Variants in ADGRL3 observed in about 807,000 individuals in gnomAD.
The protein encoded by ADGRL3 is calcium-independent alpha-latrotoxin receptor 3.
ADGRL3 carries 62 observed loss-of-function variants against 153.5 expected under a neutral mutation model. The observed-to-expected ratio is 0.40, with a 90% CI of 0.33 to 0.50. The LOEUF (loss-of-function observed/expected upper bound fraction) is 0.50. Among genes scored for constraint, ADGRL3 ranks in the 20% least tolerant of loss-of-function variants. The probability of loss-of-function intolerance (pLI) is 0.47; values close to 1 mark genes in which losing one functional copy is unlikely to be tolerated. For missense variants in ADGRL3, 1,641 were observed against 1,859.4 expected, an observed-to-expected ratio of 0.88 and a Z score of 2.16; for synonymous variants, 710 against 672.5, an observed-to-expected ratio of 1.06 and a Z score of -0.86.
chr4:61,457,892 A>AGATAGATG (rs1266892704), intron 2 of ADGRL3, among the ~76,000 whole-genome samples: 1 of 151,564 alleles, frequency 6.6e-6, no homozygotes, highest in African/African-American at 2.4e-5. Flanking sequence ...ATAGATAGAT[A>AGATAGATG]GATAGATAGA....
intron 9 of ADGRL3, among the ~76,000 whole-genome samples, chr4:61,859,125 C>G (rs907483921): frequency 6.6e-6 from 1 of 152,104 alleles, no homozygotes; most frequent in African/African-American, 2.4e-5. Context: ...TCCCAGCCTT[C>G]TTTGTATTTT....
chr4:62,007,401 T>TAC (rs1340134287), intron 21 of ADGRL3, among the ~76,000 whole-genome samples: 1 of 83,426 alleles, frequency 1.2e-5, no homozygotes, highest in African/African-American at 4.6e-5. Context: ...CACACATATA[T>TAC]ATATACACGT....
intron 1 of ADGRL3, among the ~76,000 whole-genome samples, chr4:61,295,303 T>C (rs1183343246): frequency 6.6e-6 from 1 of 152,150 alleles, no homozygotes; most frequent in Non-Finnish European, 1.5e-5. Flanking sequence ...ATAATTTTTC[T>C]ATTTTATCAC....
chr4:61,798,458 A>T (rs917088957), intron 8 of ADGRL3, among the ~76,000 whole-genome samples: 5 of 152,202 alleles, frequency 3.3e-5, no homozygotes, highest in African/African-American at 1.2e-4. Flanking sequence ...ACTGACTGCC[A>T]TTAAATGCAG....
chr4:61,461,137 A>G (rs1426565015), intron 2 of ADGRL3, among the ~76,000 whole-genome samples: 2 of 152,118 alleles, frequency 1.3e-5, no homozygotes, highest in African/African-American at 4.8e-5. Context: ...CGAGAACAGT[A>G]TTGGAAACTG....
chr4:61,867,193 A>G (rs969804904), intron 9 of ADGRL3, among the ~76,000 whole-genome samples: 2 of 152,056 alleles, frequency 1.3e-5, no homozygotes, highest in African/African-American at 4.8e-5. Flanking sequence ...GCATCTAAAC[A>G]TAAGTGATTT....
intron 1 of ADGRL3, among the ~76,000 whole-genome samples, chr4:61,270,702 G>GA (rs1325093443): frequency 1.3e-5 from 2 of 151,670 alleles, no homozygotes; most frequent in African/African-American, 4.8e-5. Flanking sequence ...CCAAGAAATG[G>GA]AAAATATCCT....
intron 9 of ADGRL3, among the ~76,000 whole-genome samples, chr4:61,847,726 TTA>T (rs1390970574): frequency 3.0e-4 from 8 of 26,692 alleles, no homozygotes; most frequent in African/African-American, 8.2e-4. Flanking sequence ...ATAAAATATA[TTA>T]TATATATAAT....
chr4:62,070,683 C>G lies in ADGRL3; in HGVS notation c.4407C>G (p.Thr1469=), dbSNP rs1745352765. 4 of 1,551,494 alleles carry G rather than the reference C, an allele frequency of 2.6e-6. No homozygotes were observed. Among genetic ancestry groups the G allele is most frequent in the East Asian group, 2.4e-5 (1 of 40,910 alleles). ...LAGVAATESV[T]TSTQTEPPPA... ...GTGTGGCCGCCACAGAGAGTGTTAC[C>G]ACCAGCACCCAGACCGAACCCCCAC... Residue 1469 remains threonine, a synonymous_variant, in exon 27 of 27, where the codon ACC becomes ACG. Coordinates refer to ENST00000683033, the MANE Select transcript of ADGRL3 (RefSeq NM_001387552.1).
intron 4 of ADGRL3, among the ~76,000 whole-genome samples, chr4:61,538,932 T>C (rs1227806810): frequency 1.3e-5 from 2 of 152,138 alleles, no homozygotes; most frequent in Non-Finnish European, 2.9e-5. Flanking sequence ...TCTTGTCCTG[T>C]GCAGGCAGGA....
At chr4:61,619,553 A>G in intron 5 of ADGRL3, among the ~76,000 whole-genome samples, 1 of 150,470 alleles carries the variant, frequency 6.6e-6, no homozygotes, top group Admixed American at 6.6e-5. Context: ...ACACACTCTA[A>G]TCATAACCTC....
At chr4:61,622,287 A>G (rs2092570603) in intron 5 of ADGRL3, among the ~76,000 whole-genome samples, 1 of 152,108 alleles carries the variant, frequency 6.6e-6, no homozygotes, top group African/African-American at 2.4e-5. Flanking sequence ...AAAAAAAGAG[A>G]ATGCTAATTA....
chr4:61,517,772 T>C (rs1327972296), intron 4 of ADGRL3, among the ~76,000 whole-genome samples: 1 of 152,230 alleles, frequency 6.6e-6, no homozygotes, highest in African/African-American at 2.4e-5. Flanking sequence ...GGGTTTGAAA[T>C]ATTTTTGCAT....
At chr4:61,815,551 G>A (rs1173861577) in intron 9 of ADGRL3, among the ~76,000 whole-genome samples, 5 of 152,194 alleles carry the variant, frequency 3.3e-5, no homozygotes, top group Non-Finnish European at 7.3e-5. Context: ...TCAATGAATA[G>A]ATACAGGGAA....
intron 1 of ADGRL3, among the ~76,000 whole-genome samples, chr4:61,261,892 T>C (rs2149604318): frequency 6.6e-6 from 1 of 152,258 alleles, no homozygotes; most frequent in South Asian, 2.1e-4. Context: ...AAACAATGTG[T>C]GTGAAGTTCC....
intron 2 of ADGRL3, among the ~76,000 whole-genome samples, chr4:61,487,321 A>G (rs1191670375): frequency 6.6e-6 from 1 of 152,204 alleles, no homozygotes; most frequent in Non-Finnish European, 1.5e-5. Context: ...CCAATTAGGA[A>G]TAAGATAGCC....
intron 2 of ADGRL3, among the ~76,000 whole-genome samples, chr4:61,439,276 A>C (rs2097498368): frequency 1.3e-5 from 2 of 152,150 alleles, no homozygotes; most frequent in African/African-American, 4.8e-5. Flanking sequence ...TGTACTTAGA[A>C]ATTTTTATAA....
chr4:61,999,769 T>C (rs2099134126), intron 21 of ADGRL3, among the ~76,000 whole-genome samples: 1 of 152,154 alleles, frequency 6.6e-6, no homozygotes, highest in Non-Finnish European at 1.5e-5. Flanking sequence ...TGTATTGACA[T>C]TAAGTAGTTA....
intron 9 of ADGRL3, among the ~76,000 whole-genome samples, chr4:61,874,789 CTTTTTTTTTTTTTTT>C (rs11432355): frequency 3.9e-4 from 24 of 61,552 alleles, no homozygotes; most frequent in African/African-American, 1.4e-3. Flanking sequence ...TCAAAATGCT[CTTTTTTTTTTTTTTT>C]TTTTTTTTTT....
Sources: gnomAD v4.1 joint callset for allele counts (sites outside exome capture counted in the v4.1 genomes callset) on GRCh38, gnomAD v4.1.1 for gene constraint, MANE v1.5 for transcripts, NCBI Gene and HGNC (gene_info 2026-07-23, HGNC 2026-07-21) for gene names.